The following NUDT22 variants were observed in gnomAD, a reference collection of about 807,000 sequenced individuals.
The protein encoded by NUDT22 is nudix hydrolase 22, also known as uridine diphosphate glucose pyrophosphatase NUDT22.
A neutral mutation model predicts 28.8 loss-of-function variants in NUDT22; 23 were observed. That is an observed-to-expected ratio of 0.80 (90% CI 0.58 to 1.13). The LOEUF is 1.13. NUDT22 is among the 50% of genes most tolerant of loss of function. The pLI is 0.00. For missense variants in NUDT22, 358 were observed against 387.3 expected (o/e 0.92, Z 0.64); for synonymous variants, 175 against 173.7 (o/e 1.01, Z -0.06).
chr11:64,228,394 G>T (rs537631125), intron 3 of NUDT22, among the ~76,000 whole-genome samples: 2 of 152,040 alleles, frequency 1.3e-5, no homozygotes, highest in Admixed American at 1.3e-4. Flanking sequence ...GCCGGGCGCC[G>T]TGGCTCATGC....
Position 64,226,936 on chromosome 11 carries a change from G to A in NUDT22, c.284G>A (p.Trp95Ter). The change falls in exon 2 of 6, where the codon TGG (tryptophan) becomes TAG (stop). Residue 95 changes from tryptophan to a stop codon, truncating the protein, a stop_gained. Coordinates refer to ENST00000279206, the MANE Select transcript of NUDT22 (RefSeq NM_032344.4). LOFTEE classifies it high-confidence loss of function. Reference protein sequence around the residue: ...TSYRDFLGTNWSSSAAWLRQQ... With the variant: ...TSYRDFLGTN Reference sequence around the variant, plus strand: ...TACCGAGACTTCCTGGGCACCAACTGGTCCAGCTCAGCTGCCTGGCTGCGA... The same window carrying A: ...TACCGAGACTTCCTGGGCACCAACTAGTCCAGCTCAGCTGCCTGGCTGCGA... 3 of 1,602,336 alleles carry A rather than the reference G, an allele frequency of 1.9e-6. No individual in the cohort carries two copies. Among genetic ancestry groups the A allele is most frequent in the Non-Finnish European group, 2.5e-6 (3 of 1,179,932 alleles).
Position 64,229,340 on chromosome 11 carries a change from G to A in NUDT22, c.673G>A (p.Val225Ile), listed in dbSNP as rs771098114. ...TGGCCGAGCCAGTGCCGAGTTCTATGTCCAGTGAGTAGGCTCGGGTACATG... is the reference window on the plus strand; with the variant it reads ...TGGCCGAGCCAGTGCCGAGTTCTATATCCAGTGAGTAGGCTCGGGTACATG... The part of the protein sequence containing the change: ...SAGRASAEFY[V>I]QCSLTSEQVR... The change falls in exon 4 of 6, where the codon GTC (valine) becomes ATC (isoleucine). Residue 225 changes from valine (V) to isoleucine (I), a missense_variant. Val to Ile is a conservative substitution (Grantham distance 29, BLOSUM62 3). Coordinates refer to ENST00000279206, the MANE Select transcript of NUDT22 (RefSeq NM_032344.4). The A allele has an allele frequency of 3.7e-6, 6 of 1,612,680 alleles. No individual in the cohort carries two copies. The South Asian group carries it at 6.6e-5, about 18-fold the overall frequency.
At chr11:64,228,034 T>A in intron 3 of NUDT22, 1 of 218,452 alleles carries the variant, frequency 4.6e-6, no homozygotes, top group East Asian at 1.3e-4. Flanking sequence ...CATGCCTGGC[T>A]AATTTTTTTT....
At position 64,227,106 on chromosome 11, in the gene NUDT22, G is replaced by C. The variant is rs867002060; in HGVS notation, c.454G>C (p.Val152Leu). 6.3e-7 allele frequency: 1 copy of C among 1,593,956 alleles called. No individual in the cohort carries two copies. Among genetic ancestry groups the C allele is most frequent in the South Asian group, 1.1e-5 (1 of 89,440 alleles). Residue 152 changes from valine (V) to leucine (L), a missense_variant, in exon 2 of 6, where the codon GTA (valine) becomes CTA (leucine). Transcript: ENST00000279206. ...GGCTGAGGCCCCTGGGCTGGTGGAC[G>C]TACCTGGTGGGCACCCTGAGCCTCA... ...QVAEAPGLVDVPGGHPEPQAL... is the reference protein window; with the variant it reads ...QVAEAPGLVDLPGGHPEPQAL...
chr11:64,226,301 A>C lies in NUDT22; in HGVS notation c.-145A>C. On this transcript the variant is annotated 5_prime_UTR_variant, in exon 1 of 6. Transcript: ENST00000279206. The stretch of plus-strand genomic sequence containing the variant: ...AGCCTGAGGGACCCGGCGGCTGGTG[A>C]GCGCCCGCTGGAGGCTGGAGCTTCC... The C allele has an allele frequency of 1.0e-6, 1 of 968,848 alleles. No homozygotes were observed. The highest frequency in any genetic ancestry group is 1.3e-6 in the Non-Finnish European group (1 of 758,434). 60.0% of individuals were successfully genotyped at this position (968,848 alleles called of 1,614,324 possible).
chr11:64,226,470 G>T, intron 1 of NUDT22, 43 bp downstream of exon 1: 1 of 1,414,554 alleles, frequency 7.1e-7, no homozygotes, highest in Non-Finnish European at 9.2e-7. Context: ...GGGACTCGGG[G>T]CTCCTGCGGG....
intron 3 of NUDT22, chr11:64,227,875 CTTTT>C: frequency 4.4e-6 from 2 of 457,628 alleles, no homozygotes; most frequent in South Asian, 2.5e-5. Flanking sequence ...TTTTTTCTTT[CTTTT>C]TTTTTTTTTA....
chr11:64,227,479 C>A (rs1364370550), intron 2 of NUDT22, 89 bp from the exon 3 acceptor site: 3 of 990,974 alleles, frequency 3.0e-6, no homozygotes, highest in Non-Finnish European at 4.8e-6. Context: ...CACATCAGAC[C>A]CTCAAGGCCA....
In NUDT22 at chr11:64,226,335, G is replaced by A; in HGVS notation, c.-111G>A. Reference sequence around the variant, plus strand: ...TGGAGGCTGGAGCTTCCGGGCCCTGGAAAGGGGTCCCCGCGCGCCCCGGGT... The same window carrying A: ...TGGAGGCTGGAGCTTCCGGGCCCTGAAAAGGGGTCCCCGCGCGCCCCGGGT... On this transcript the variant is annotated 5_prime_UTR_variant, in exon 1 of 6. Transcript: ENST00000279206. The A allele has an allele frequency of 8.3e-7, 1 of 1,207,234 alleles. No homozygotes were observed. The allele number at this position is 1,207,234 out of a possible 1,614,324, so 74.8% of individuals were successfully genotyped here. A position where few individuals can be genotyped will look rare whatever the true frequency, so the allele number is the denominator to read the frequency against.
At chr11:64,228,384 G>A (rs1183167996) in intron 3 of NUDT22, among the ~76,000 whole-genome samples, 1 of 151,996 alleles carries the variant, frequency 6.6e-6, no homozygotes, top group Non-Finnish European at 1.5e-5. Flanking sequence ...GGAGTAAGTG[G>A]CCGGGCGCCG....
chr11:64,229,899 C>T lies in NUDT22; in HGVS notation c.821C>T (p.Ser274Leu), dbSNP rs887500756. ...GAGATGTGGGCTGAACTCTGCCCCT[C>T]GGCCAAAGGCGCCATCATCCTCTAC... is the stretch of plus-strand genomic sequence containing the variant. ...ETEMWAELCP[S>L]AKGAIILYNR... The change falls in exon 6 of 6, where the codon TCG becomes TTG. Residue 274 changes from serine (S) to leucine (L), a missense_variant. By Grantham distance (145) the Ser-to-Leu change is moderately radical. Coordinates refer to ENST00000279206, the MANE Select transcript of NUDT22 (RefSeq NM_032344.4). 3.7e-6 allele frequency: 6 copies of T among 1,613,236 alleles called. No individual in the cohort carries two copies. In the African/African-American group the frequency reaches 6.7e-5, roughly 18 times the overall value.
rs998423934 is a variant in NUDT22, at chr11:64,229,957, C to T, written c.879C>T (p.Ala293=). 2 of 1,613,068 alleles carry T rather than the reference C, an allele frequency of 1.2e-6. No homozygotes were observed. The highest frequency in any genetic ancestry group is 1.1e-5 in the South Asian group (1 of 91,076). The change falls in exon 6 of 6, where the codon GCC becomes GCT. Residue 293 remains alanine, a synonymous_variant. Coordinates refer to ENST00000279206, the MANE Select transcript of NUDT22 (RefSeq NM_032344.4). ...TTCAGGGAAGTCCCACTGGAGCGGC[C>T]CTAGGGTCCCCAGCCCTACTCCCGC... ...NRVQGSPTGA[A]LGSPALLPPL
chr11:64,230,132 C>G (rs1947151120), downstream of NUDT22: 2 of 973,250 alleles, frequency 2.1e-6, no homozygotes, highest in African/African-American at 3.2e-5. Flanking sequence ...CTGTGTCCCC[C>G]TCTGCAAGCA....
At chr11:64,226,472 T>A (rs1181418399) in intron 1 of NUDT22, 45 bp downstream of exon 1, 7 of 1,413,990 alleles carry the variant, frequency 5.0e-6, no homozygotes, top group Non-Finnish European at 4.6e-6. Flanking sequence ...GACTCGGGGC[T>A]CCTGCGGGGA....
At position 64,227,867 on chromosome 11, in the gene NUDT22, TTTTC is replaced by T. The variant is rs927448705; in HGVS notation, c.579+209_579+212del. On this transcript the variant is annotated intron_variant, in intron 3 of 5. Transcript: ENST00000279206. ...TGCCTTGGATTCTTCTTCTTTTCTT[TTTTC>T]TTTCTTTTTTTTTTTTTAGACAGAG... is the stretch of plus-strand genomic sequence containing the variant. 3.1e-5 allele frequency: 18 copies of T among 577,052 alleles called. No homozygotes were observed. In the Middle Eastern group the frequency reaches 1.4e-3, roughly 44 times the overall value. 35.7% of individuals were successfully genotyped at this position (577,052 alleles called of 1,614,324 possible).
chr11:64,227,486 G>C, intron 2 of NUDT22, 82 bp from the exon 3 acceptor site: 1 of 1,054,172 alleles, frequency 9.5e-7, no homozygotes, highest in Non-Finnish European at 1.5e-6. Context: ...GACCCTCAAG[G>C]CCAGCAGGTA....
Position 64,229,240 on chromosome 11 carries a change from AC to A in NUDT22, c.580-5del, listed in dbSNP as rs768380815. Reference sequence around the variant, plus strand: ...GGGACCTCCCCCCACCCCACCCTCCACCGCAGGTGAACCTGCCGCTGCTCAC... The same window carrying A: ...GGGACCTCCCCCCACCCCACCCTCCACGCAGGTGAACCTGCCGCTGCTCAC... On this transcript the variant is annotated splice_region_variant and splice_polypyrimidine_tract_variant and intron_variant, in intron 3 of 5. Coordinates refer to ENST00000279206, the MANE Select transcript of NUDT22 (RefSeq NM_032344.4). The A allele has an allele frequency of 6.4e-7, 1 of 1,554,544 alleles. No individual in the cohort carries two copies. The highest frequency in any genetic ancestry group is 1.2e-5 in the South Asian group (1 of 86,008).
intron 3 of NUDT22, chr11:64,228,823 T>G (rs550639876): frequency 1.3e-5 from 2 of 156,670 alleles, no homozygotes; most frequent in African/African-American, 4.9e-5. Flanking sequence ...ATACAAAAAA[T>G]TAGCCAGGCG....
downstream of NUDT22, chr11:64,230,069 G>T: frequency 2.5e-6 from 3 of 1,209,674 alleles, no homozygotes; most frequent in Non-Finnish European, 3.6e-6. Context: ...GGCCCTGAGT[G>T]TGTAAGGCAG....
Sources: gnomAD v4.1 joint callset for allele counts (sites outside exome capture counted in the v4.1 genomes callset) on GRCh38, gnomAD v4.1.1 for gene constraint, MANE v1.5 for transcripts, NCBI Gene and HGNC (gene_info 2026-07-23, HGNC 2026-07-21) for gene names.